The following ZNF555 variants were observed in gnomAD, a reference collection of about 807,000 sequenced individuals.
ZNF555 encodes zinc finger protein 555.
A neutral mutation model predicts 14.0 loss-of-function variants in ZNF555; 10 were observed. The ratio of observed to expected loss-of-function variants is 0.72; its 90% CI spans 0.44 to 1.21. The LOEUF is 1.21. Among genes scored for constraint, ZNF555 ranks in the 50% most tolerant of loss-of-function variants. The probability of loss-of-function intolerance (pLI) is 0.00; values close to 1 mark genes in which losing one functional copy is unlikely to be tolerated. For synonymous variants in ZNF555, 277 were observed against 262.4 expected (o/e 1.06, Z -0.54); for missense variants, 747 against 762.0 (o/e 0.98, Z 0.23).
At chr19:2,848,993 G>A (rs933044725) in intron 1 of ZNF555, among the ~76,000 whole-genome samples, 8 of 152,016 alleles carry the variant, frequency 5.3e-5, no homozygotes, top group South Asian at 2.1e-4. Flanking sequence ...AACTTCTTTC[G>A]GCATATGGGA....
intron 1 of ZNF555, among the ~76,000 whole-genome samples, chr19:2,845,481 G>A (rs980075528): frequency 1.3e-5 from 2 of 152,186 alleles, no homozygotes; most frequent in Admixed American, 1.3e-4. Flanking sequence ...ATGCCCAGTA[G>A]TGGGATTGCT....
At chr19:2,843,900 G>A (rs1459369488) in intron 1 of ZNF555, among the ~76,000 whole-genome samples, 1 of 151,968 alleles carries the variant, frequency 6.6e-6, no homozygotes, top group Non-Finnish European at 1.5e-5. Flanking sequence ...ACAGGGTCTC[G>A]CTCTATTGCC....
rs373196973 is a variant in ZNF555, at chr19:2,853,824, A to G, written c.1759A>G (p.Thr587Ala). 1 of 1,613,720 alleles carries G rather than the reference A, an allele frequency of 6.2e-7. No individual in the cohort carries two copies. Among genetic ancestry groups the G allele is most frequent in the African/African-American group, 1.3e-5 (1 of 74,940 alleles). ...SSLRRHVRIH[T>A]TEKQYKCNVG... The stretch of plus-strand genomic sequence containing the variant: ...CTTAAGGCGACATGTGAGAATACAC[A>G]CTACAGAAAAACAGTATAAGTGTAA... The change falls in exon 4 of 4, where the codon ACT becomes GCT. Residue 587 changes from threonine (T) to alanine (A), a missense_variant. By Grantham distance (58) the Thr-to-Ala change is moderately conservative (BLOSUM62 0). Coordinates refer to ENST00000334241, the MANE Select transcript of ZNF555 (RefSeq NM_152791.5).
rs34787983 is a variant in ZNF555 at position 2,844,093 on chromosome 19, C to CT, written c.3+2522dup. Among the ~76,000 whole-genome samples, 384 of 131,948 alleles carry CT rather than the reference C, an allele frequency of 2.9e-3. 4 individuals are homozygous for CT. The highest frequency in any genetic ancestry group is 6.4e-3 in the African/African-American group (225 of 35,428). The allele number at this position is 131,948 out of a possible 152,430, so 86.6% of individuals were successfully genotyped here. A position where few individuals can be genotyped will look rare whatever the true frequency, so the allele number is the denominator to read the frequency against. On this transcript the variant is annotated intron_variant, in intron 1 of 3. Coordinates refer to ENST00000334241, the MANE Select transcript of ZNF555 (RefSeq NM_152791.5). Reference sequence around the variant, plus strand: ...CTCCCTCTTTCCTTTCTCTCTCTCTCTTTTCTTTTTTTTTTTTTTTTTTTT... The same window carrying CT: ...CTCCCTCTTTCCTTTCTCTCTCTCTCTTTTTCTTTTTTTTTTTTTTTTTTTT...
Position 2,853,921 on chromosome 19 carries a change from T to C in ZNF555, c.1856T>C (p.Ile619Thr). The change falls in exon 4 of 4, where the codon ATC (isoleucine) becomes ACC (threonine). Residue 619 changes from isoleucine to threonine, a missense_variant. Coordinates refer to ENST00000334241, the MANE Select transcript of ZNF555 (RefSeq NM_152791.5). ...AAGTCACACCAGGAGAGAGATCTGA[T>C]CAAAGTTGTAAATATGGTGTTGCCT... is the stretch of plus-strand genomic sequence containing the variant. ...SEKSHQERDLIKVVNMVLPL is the reference protein window; with the variant it reads ...SEKSHQERDLTKVVNMVLPL The C allele has an allele frequency of 6.2e-7, 1 of 1,613,860 alleles. No homozygotes were observed. The highest frequency in any genetic ancestry group is 8.5e-7 in the Non-Finnish European group (1 of 1,180,024).
In ZNF555 at chr19:2,859,603, CG is replaced by C. The variant is rs1259220176; in HGVS notation, c.*5652del. ...AGGAGCTCAGTCTTAGAATATGAGC[CG>C]TGTCAGGGGCTACAGCATCATCACT... On this transcript the variant is annotated 3_prime_UTR_variant, in exon 4 of 4. Coordinates refer to ENST00000334241, the MANE Select transcript of ZNF555 (RefSeq NM_152791.5). The C allele has an allele frequency of 6.6e-6, 1 of 152,098 alleles. No homozygotes were observed. Among genetic ancestry groups the C allele is most frequent in the African/African-American group, 2.4e-5 (1 of 41,382 alleles). 9.4% of individuals were successfully genotyped at this position (152,098 alleles called of 1,614,324 possible).
At position 2,853,585 on chromosome 19, in the gene ZNF555, T is replaced by C. The variant is rs866650463; in HGVS notation, c.1520T>C (p.Leu507Pro). 4.4e-6 allele frequency: 7 copies of C among 1,608,000 alleles called. No homozygotes were observed. Among genetic ancestry groups the C allele is most frequent in the Non-Finnish European group, 5.9e-6 (7 of 1,176,782 alleles). ...KHMRRHTAEKLYKCKQCGKAF... is the reference protein window; with the variant it reads ...KHMRRHTAEKPYKCKQCGKAF... ...ATGAGAAGACATACCGCAGAGAAAC[T>C]CTATAAATGCAAGCAGTGTGGGAAA... The change falls in exon 4 of 4, where the codon CTC becomes CCC. Residue 507 changes from leucine to proline, a missense_variant. Physicochemically the swap from Leu to Pro is moderately conservative, Grantham distance 98. Transcript: ENST00000334241.
In ZNF555 at chr19:2,852,921, T is replaced by C. The variant is rs886288177; in HGVS notation, c.856T>C (p.Cys286Arg). Residue 286 changes from cysteine to arginine, a missense_variant, in exon 4 of 4, where the codon TGT becomes CGT. Coordinates refer to ENST00000334241, the MANE Select transcript of ZNF555 (RefSeq NM_152791.5). ...ITHTGEKPYK[C>R]KECAEAFSYS... is the part of the protein sequence containing the mutation. ...ACACACTGGCGAGAAGCCATATAAATGTAAGGAATGTGCGGAAGCCTTTAG... is the reference window on the plus strand; with the variant it reads ...ACACACTGGCGAGAAGCCATATAAACGTAAGGAATGTGCGGAAGCCTTTAG... 1.2e-6 allele frequency: 2 copies of C among 1,614,112 alleles called. No homozygotes were observed. The highest frequency in any genetic ancestry group is 1.7e-6 in the Non-Finnish European group (2 of 1,180,050).
chr19:2,841,529 T>C lies in ZNF555; in HGVS notation c.-44T>C. On this transcript the variant is annotated 5_prime_UTR_variant, in exon 1 of 4. Coordinates refer to ENST00000334241, the MANE Select transcript of ZNF555 (RefSeq NM_152791.5). ...TAGCGGTCCCTGGCGTCCCGGTTCC[T>C]GTCGCGCTCACCTGCGCCGGTAGCG... 3.2e-6 allele frequency: 5 copies of C among 1,545,130 alleles called. No individual in the cohort carries two copies. Among genetic ancestry groups the C allele is most frequent in the Non-Finnish European group, 4.4e-6 (5 of 1,144,336 alleles).
Position 2,850,716 on chromosome 19 carries a change from A to G in ZNF555, c.130+3A>G, listed in dbSNP as rs770084265. The G allele has an allele frequency of 6.2e-6, 10 of 1,613,262 alleles. No individual in the cohort carries two copies. Among genetic ancestry groups the G allele is most frequent in the Non-Finnish European group, 7.6e-6 (9 of 1,179,448 alleles). On this transcript the variant is annotated splice_donor_region_variant and intron_variant, in intron 2 of 3. Coordinates refer to ENST00000334241, the MANE Select transcript of ZNF555 (RefSeq NM_152791.5). Reference sequence around the variant, plus strand: ...CTTTCAGAACCTGGCCTCAGTAGGTAAGGATGACATCATTCCTTCCTTCAC... The same window carrying G: ...CTTTCAGAACCTGGCCTCAGTAGGTGAGGATGACATCATTCCTTCCTTCAC...
intron 1 of ZNF555, among the ~76,000 whole-genome samples, chr19:2,845,923 T>A (rs1247718412): frequency 1.3e-5 from 2 of 152,116 alleles, no homozygotes; most frequent in Non-Finnish European, 1.5e-5. Context: ...CCAGGGTAAG[T>A]ACAAAACAAG....
chr19:2,854,249 T>G lies in ZNF555; in HGVS notation c.*297T>G. ...CGTATCTATTATATTTTCCACCTTTTTTACTGGGAGTATTTTTATTGTTTG... is the reference window on the plus strand; with the variant it reads ...CGTATCTATTATATTTTCCACCTTTGTTACTGGGAGTATTTTTATTGTTTG... On this transcript the variant is annotated 3_prime_UTR_variant, in exon 4 of 4. Transcript: ENST00000334241. 6.9e-6 allele frequency: 2 copies of G among 291,608 alleles called. No homozygotes were observed. Among genetic ancestry groups the G allele is most frequent in the Non-Finnish European group, 1.3e-5 (2 of 156,742 alleles). 18.1% of individuals were successfully genotyped at this position (291,608 alleles called of 1,614,324 possible).
chr19:2,847,093 T>TA (rs1201702079), intron 1 of ZNF555: 3 of 152,142 alleles, frequency 2.0e-5, no homozygotes, highest in Non-Finnish European at 4.4e-5. Flanking sequence ...GTCTGTCACT[T>TA]AAAAAAACAA....
intron 3 of ZNF555, 53 bp from the exon 4 acceptor site, chr19:2,852,323 TAATA>T: frequency 6.2e-7 from 1 of 1,602,800 alleles, no homozygotes; most frequent in Non-Finnish European, 8.5e-7. Context: ...GTCCTAATCC[TAATA>T]AATACTAACA....
At chr19:2,851,429 A>G (rs1387520944) in intron 2 of ZNF555, 39 bp from the exon 3 acceptor site, 3 of 1,518,308 alleles carry the variant, frequency 2.0e-6, no homozygotes, top group Non-Finnish European at 2.6e-6. Flanking sequence ...TCCGCTAACA[A>G]GTGCCTTCTT....
chr19:2,853,337 T>A lies in ZNF555; in HGVS notation c.1272T>A (p.Tyr424Ter), dbSNP rs1178990743. The A allele has an allele frequency of 6.2e-7, 1 of 1,614,044 alleles. No homozygotes were observed. ...HMRVHTGEKP[Y>*]ECKQCGKTFN... ...GGGTGCACACTGGAGAGAAACCCTA[T>A]GAGTGCAAGCAATGTGGGAAAACTT... Residue 424 changes from tyrosine (Y) to a stop codon, truncating the protein, a stop_gained, in exon 4 of 4, where the codon TAT becomes TAA. Coordinates refer to ENST00000334241, the MANE Select transcript of ZNF555 (RefSeq NM_152791.5). LOFTEE classifies it low-confidence loss of function (END_TRUNC).
Position 2,853,364 on chromosome 19 carries a change from C to G in ZNF555, c.1299C>G (p.Phe433Leu), listed in dbSNP as rs1189079003. 1.2e-6 allele frequency: 2 copies of G among 1,613,860 alleles called. No individual in the cohort carries two copies. Among genetic ancestry groups the G allele is most frequent in the African/African-American group, 1.3e-5 (1 of 74,900 alleles). ...AGTGCAAGCAATGTGGGAAAACTTTCAATTGGCCCATATCTTTACGAAAAC... is the reference window on the plus strand; with the variant it reads ...AGTGCAAGCAATGTGGGAAAACTTTGAATTGGCCCATATCTTTACGAAAAC... The part of the protein sequence containing the change: ...PYECKQCGKT[F>L]NWPISLRKHM... The change falls in exon 4 of 4, where the codon TTC becomes TTG. Residue 433 changes from phenylalanine to leucine, a missense_variant. Phe to Leu is a conservative substitution (Grantham distance 22). Coordinates refer to ENST00000334241, the MANE Select transcript of ZNF555 (RefSeq NM_152791.5).
chr19:2,841,580 G>C lies in ZNF555; in HGVS notation c.3+5G>C. The C allele has an allele frequency of 6.5e-7, 1 of 1,539,384 alleles. No homozygotes were observed. Among genetic ancestry groups the C allele is most frequent in the Non-Finnish European group, 8.8e-7 (1 of 1,141,770 alleles). Reference sequence around the variant, plus strand: ...AAGAAATCGCCCCGGGACATGGTGAGTGTGGCGCAGGAGAGGATCCCGGTG... The same window carrying C: ...AAGAAATCGCCCCGGGACATGGTGACTGTGGCGCAGGAGAGGATCCCGGTG... On this transcript the variant is annotated splice_donor_5th_base_variant and intron_variant, in intron 1 of 3. Transcript: ENST00000334241.
In ZNF555 at chr19:2,859,467, G is replaced by A. The variant is rs1246657809; in HGVS notation, c.*5515G>A. ...AGGGACCTTCCACAGCAAGTAGAAG[G>A]CACTGCTGTGAATATGATGGCGTCA... On this transcript the variant is annotated 3_prime_UTR_variant, in exon 4 of 4. Coordinates refer to ENST00000334241, the MANE Select transcript of ZNF555 (RefSeq NM_152791.5). 1.3e-5 allele frequency: 2 copies of A among 152,122 alleles called. No individual in the cohort carries two copies. The highest frequency in any genetic ancestry group is 2.9e-5 in the Non-Finnish European group (2 of 68,046). The allele number at this position is 152,122 out of a possible 1,614,324, so 9.4% of individuals were successfully genotyped here.
Sources: gnomAD v4.1 joint callset for allele counts (sites outside exome capture counted in the v4.1 genomes callset) on GRCh38, gnomAD v4.1.1 for gene constraint, MANE v1.5 for transcripts, NCBI Gene and HGNC (gene_info 2026-07-23, HGNC 2026-07-21) for gene names.